PTPN4: variants seen among roughly 807,000 people sequenced by gnomAD.
PTPN4 encodes the protein protein tyrosine phosphatase non-receptor type 4.
PTPN4 carries 49 observed loss-of-function variants against 135.5 expected under a neutral mutation model. That is an observed-to-expected ratio of 0.36 (90% CI 0.29 to 0.46). The LOEUF is 0.46. Ranked by LOEUF, PTPN4 falls within the 20% of genes least tolerant of loss-of-function variation. PTPN4 has a pLI of 1.00. For missense variants in PTPN4, 860 were observed against 1,101.0 expected (o/e 0.78, Z 3.10); for synonymous variants, 333 against 369.9 (o/e 0.90, Z 1.14).
At chr2:119,846,834 ATAACT>A (rs144624328) in intron 2 of PTPN4, among the ~76,000 whole-genome samples, 8,957 of 151,858 alleles carry the variant, frequency 0.059, 854 homozygotes, top group African/African-American at 0.2. Context: ...CAGGCTTATA[ATAACT>A]TAATTACAGT....
chr2:119,937,694 A>G (rs953820860), intron 15 of PTPN4, among the ~76,000 whole-genome samples: 2 of 152,204 alleles, frequency 1.3e-5, no homozygotes, highest in Non-Finnish European at 2.9e-5. Context: ...CTACTATGTG[A>G]CAATATATTG....
intron 21 of PTPN4, 38 bp downstream of exon 21, chr2:119,956,972 A>T: frequency 6.2e-7 from 1 of 1,603,770 alleles, no homozygotes; most frequent in Non-Finnish European, 8.5e-7. Flanking sequence ...TTAATCTTTT[A>T]AACATAACTT....
At chr2:119,783,284 C>T (rs1327325940) in intron 1 of PTPN4, among the ~76,000 whole-genome samples, 1 of 152,202 alleles carries the variant, frequency 6.6e-6, no homozygotes, top group Non-Finnish European at 1.5e-5. Flanking sequence ...TATTGATTCT[C>T]TGTCCAGCTG....
In PTPN4 at chr2:119,979,328, C is replaced by T. The variant is rs961570431; in HGVS notation, c.*2258C>T. 3 of 152,044 alleles carry T rather than the reference C, an allele frequency of 2.0e-5. No homozygotes were observed. The highest frequency in any genetic ancestry group is 4.8e-5 in the African/African-American group (2 of 41,414). The allele number at this position is 152,044 out of a possible 1,614,324, so 9.4% of individuals were successfully genotyped here. A position where few individuals can be genotyped will look rare whatever the true frequency, so the allele number is the denominator to read the frequency against. On this transcript the variant is annotated 3_prime_UTR_variant, in exon 27 of 27. Transcript: ENST00000263708. ...TCTTTAATTTAGGGCCTTGTTTATACTTGTGAGTTTAATAATTTCTTGGCA... is the reference window on the plus strand; with the variant it reads ...TCTTTAATTTAGGGCCTTGTTTATATTTGTGAGTTTAATAATTTCTTGGCA...
chr2:119,900,969 A>T (rs75681539), intron 10 of PTPN4, among the ~76,000 whole-genome samples, 163 bp downstream of exon 10: 2,194 of 152,332 alleles, frequency 0.014, 48 homozygotes, highest in African/African-American at 0.05. Context: ...GAAGACACCA[A>T]AATGGTTTAT....
intron 2 of PTPN4, among the ~76,000 whole-genome samples, chr2:119,842,940 A>G (rs1677403496): frequency 1.3e-5 from 2 of 152,214 alleles, no homozygotes; most frequent in African/African-American, 4.8e-5. Context: ...AATACAGCAT[A>G]AAGTATTATA....
chr2:119,931,762 C>G (rs1678910519), intron 13 of PTPN4, among the ~76,000 whole-genome samples: 1 of 151,958 alleles, frequency 6.6e-6, no homozygotes, highest in Non-Finnish European at 1.5e-5. Context: ...TAAAACATCA[C>G]TTAGTTTTCA....
chr2:119,948,213 T>C (rs964437040), intron 18 of PTPN4, among the ~76,000 whole-genome samples: 5 of 152,052 alleles, frequency 3.3e-5, no homozygotes, highest in African/African-American at 1.2e-4. Flanking sequence ...GAATTATCTA[T>C]CATGTACAAA....
intron 2 of PTPN4, among the ~76,000 whole-genome samples, chr2:119,846,605 G>T (rs1677502633): frequency 6.7e-6 from 1 of 150,166 alleles, no homozygotes; most frequent in Non-Finnish European, 1.5e-5. Context: ...TTTTTGTTAT[G>T]TCAGTTAATG....
chr2:119,943,811 C>G (rs546430483), intron 15 of PTPN4, among the ~76,000 whole-genome samples: 112 of 151,834 alleles, frequency 7.4e-4, no homozygotes, highest in African/African-American at 2.6e-3. Context: ...ATAGGATGGT[C>G]TCAATCTCCT....
chr2:119,796,139 C>CCCACTGCTG (rs142431897), intron 1 of PTPN4, among the ~76,000 whole-genome samples: 150,449 of 152,076 alleles, frequency 0.99, 74,444 homozygotes, highest in Middle Eastern at 1. Flanking sequence ...ACACAAGGGA[C>CCCACTGCTG]CCACTGCTGC....
At chr2:119,782,615 T>G (rs1288565697) in intron 1 of PTPN4, among the ~76,000 whole-genome samples, 1 of 151,278 alleles carries the variant, frequency 6.6e-6, no homozygotes, top group Non-Finnish European at 1.5e-5. Flanking sequence ...AGTAACAGAT[T>G]TAGAGTGAAT....
chr2:119,967,052 G>A (rs181552601), intron 25 of PTPN4, among the ~76,000 whole-genome samples: 1 of 152,364 alleles, frequency 6.6e-6, no homozygotes, highest in East Asian at 1.9e-4. Flanking sequence ...CAAGAATGGT[G>A]AAACACCATT....
At chr2:119,948,759 A>G (rs1679170801) in intron 18 of PTPN4, among the ~76,000 whole-genome samples, 1 of 152,176 alleles carries the variant, frequency 6.6e-6, no homozygotes, top group Non-Finnish European at 1.5e-5. Flanking sequence ...AAATATGGAA[A>G]TATATCCATA....
At position 119,956,830 on chromosome 2, in the gene PTPN4, T is replaced by A. The variant is rs1679295027; in HGVS notation, c.1981-14T>A. ...GGCTTTTGTTGGAATTGTACCTTTT[T>A]TTTTTTTTTTTAGCAACTGTATCGG... On this transcript the variant is annotated splice_polypyrimidine_tract_variant and intron_variant, in intron 20 of 26. Coordinates refer to ENST00000263708, the MANE Select transcript of PTPN4 (RefSeq NM_002830.4). The A allele has an allele frequency of 6.4e-7, 1 of 1,568,198 alleles. No homozygotes were observed.
At chr2:119,773,888 CA>C (rs1401562290) in intron 1 of PTPN4, among the ~76,000 whole-genome samples, 1 of 152,134 alleles carries the variant, frequency 6.6e-6, no homozygotes, top group Non-Finnish European at 1.5e-5. Context: ...ACAGACCATA[CA>C]TGGTATCATT....
At chr2:119,821,964 A>G (rs189827169) in intron 2 of PTPN4, among the ~76,000 whole-genome samples, 111 of 151,876 alleles carry the variant, frequency 7.3e-4, no homozygotes, top group Non-Finnish European at 1.2e-3. Context: ...GACATTTAAA[A>G]CGTGTTTTCC....
intron 1 of PTPN4, among the ~76,000 whole-genome samples, chr2:119,763,852 G>A (rs755373214): frequency 2.6e-5 from 4 of 152,114 alleles, no homozygotes; most frequent in Admixed American, 6.5e-5. Context: ...GTATTGGAGA[G>A]CATAGCTTTA....
chr2:119,909,837 G>A (rs1455712698), intron 10 of PTPN4, among the ~76,000 whole-genome samples: 1 of 152,120 alleles, frequency 6.6e-6, no homozygotes, highest in Non-Finnish European at 1.5e-5. Context: ...AGGGGAGGAA[G>A]TAACTACAGG....
Sources: gnomAD v4.1 joint callset for allele counts (sites outside exome capture counted in the v4.1 genomes callset) on GRCh38, gnomAD v4.1.1 for gene constraint, MANE v1.5 for transcripts, NCBI Gene and HGNC (gene_info 2026-07-23, HGNC 2026-07-21) for gene names.